Variants in TJP2 observed in about 807,000 individuals in gnomAD.
TJP2 encodes the protein tight junction protein 2.
In TJP2, 91 loss-of-function variants were observed where a neutral mutation model predicts 133.1. The ratio of observed to expected loss-of-function variants is 0.68; its 90% CI spans 0.58 to 0.81. The LOEUF (loss-of-function observed/expected upper bound fraction) is 0.81, where lower values mean the gene tolerates loss of function less well. Ranked by LOEUF, TJP2 falls within the 40% of genes least tolerant of loss-of-function variation. The pLI, the probability that TJP2 is intolerant of heterozygous loss-of-function variation, is 0.00. For synonymous variants in TJP2, 592 were observed against 583.4 expected (o/e 1.01, Z -0.21); for missense variants, 1,541 against 1,565.6 (o/e 0.98, Z 0.26).
rs1210707963 is a variant in TJP2, at chr9:69,231,317, C to T, written c.1671+1085C>T. Among the ~76,000 whole-genome samples, 8 of 152,234 alleles carry T rather than the reference C, an allele frequency of 5.3e-5. No individual in the cohort carries two copies. In the South Asian group the frequency reaches 6.2e-4, roughly 12 times the overall value. On this transcript the variant is annotated intron_variant, in intron 11 of 22. Coordinates refer to ENST00000377245, the MANE Select transcript of TJP2 (RefSeq NM_004817.4). ...TTCATCATGTTGCCCAGGCTGGTCTCGAGCTCCTGAGCTCAAGCAGTCCAC... is the reference window on the plus strand; with the variant it reads ...TTCATCATGTTGCCCAGGCTGGTCTTGAGCTCCTGAGCTCAAGCAGTCCAC...
At chr9:69,236,566 C>G (rs1480362329) in intron 13 of TJP2, among the ~76,000 whole-genome samples, 1 of 152,126 alleles carries the variant, frequency 6.6e-6, no homozygotes, top group Non-Finnish European at 1.5e-5. Context: ...GTACCCTTGT[C>G]CGGTGCCCAG....
At chr9:69,207,195 G>A (rs918832898) in intron 1 of TJP2, among the ~76,000 whole-genome samples, 15 of 152,084 alleles carry the variant, frequency 9.9e-5, no homozygotes, top group East Asian at 5.8e-4. Flanking sequence ...AGTGAAAAAC[G>A]CATACCAAAA....
intron 1 of TJP2, among the ~76,000 whole-genome samples, chr9:69,176,968 G>A (rs1410438450): frequency 6.6e-6 from 1 of 152,196 alleles, no homozygotes; most frequent in Admixed American, 6.5e-5. Context: ...GTTTGGGTGT[G>A]GTGGGGGCGG....
At chr9:69,137,812 C>G (rs911633972) in intron 1 of TJP2, among the ~76,000 whole-genome samples, 1 of 152,136 alleles carries the variant, frequency 6.6e-6, no homozygotes, top group Non-Finnish European at 1.5e-5. Context: ...TCCTCCTCTT[C>G]CTCTACTTTG....
rs564944234 is a variant in TJP2, at chr9:69,223,665, T to C, written c.953-1639T>C. On this transcript the variant is annotated intron_variant, in intron 5 of 22. Coordinates refer to ENST00000377245, the MANE Select transcript of TJP2 (RefSeq NM_004817.4). ...GTTGAAAAATGCCAGAGAGATGTTA[T>C]CACTCAAGCTTGTCTCACTCAGCCT... Among the ~76,000 whole-genome samples the C allele has an allele frequency of 4.6e-5, 7 of 152,284 alleles. No individual in the cohort carries two copies. The East Asian group carries it at 9.7e-4, about 21-fold the overall frequency.
rs570758213 is a variant in TJP2 at position 69,213,756 on chromosome 9, A to G, written c.114+1155A>G. On this transcript the variant is annotated intron_variant, in intron 2 of 22. Coordinates refer to ENST00000377245, the MANE Select transcript of TJP2 (RefSeq NM_004817.4). ...CCTCTGCCCTTTCCCTGAGCATTTC[A>G]TGCATTCCTTGAGTTGTGGACCCAA... Among the ~76,000 whole-genome samples, 155 of 152,184 alleles carry G rather than the reference A, an allele frequency of 1.0e-3. 1 individual carries two copies. Among genetic ancestry groups the G allele is most frequent in the African/African-American group, 3.6e-3 (151 of 41,536 alleles).
intron 1 of TJP2, among the ~76,000 whole-genome samples, chr9:69,150,274 A>G (rs1823406452): frequency 6.6e-6 from 1 of 151,830 alleles, no homozygotes; most frequent in Non-Finnish European, 1.5e-5. Context: ...GTATTTTACT[A>G]TAATAAAAAA....
rs149445624 is a variant in TJP2 at position 69,251,049 on chromosome 9, C to A, written c.3006C>A (p.Asn1002Lys). The change falls in exon 21 of 23, where the codon AAC (asparagine) becomes AAA (lysine). Residue 1002 changes from asparagine to lysine, a missense_variant. Asn to Lys is a moderately conservative substitution (Grantham distance 94). Transcript: ENST00000377245. Reference protein sequence around the residue: ...KPEPPKAKTQNKEESYDFSKS... With the variant: ...KPEPPKAKTQKKEESYDFSKS... ...GCTCTCCGCAGGCCAAAACCCAGAA[C>A]AAAGAAGAATCCTATGACTTCTCCA... The A allele has an allele frequency of 6.2e-7, 1 of 1,614,048 alleles. No homozygotes were observed. Among genetic ancestry groups the A allele is most frequent in the Non-Finnish European group, 8.5e-7 (1 of 1,180,032 alleles).
At chr9:69,137,283 C>CCT (rs1228607545) in intron 1 of TJP2, among the ~76,000 whole-genome samples, 21 of 107,212 alleles carry the variant, frequency 2.0e-4, no homozygotes, top group Admixed American at 3.0e-4. Context: ...TTCTTTCTTT[C>CCT]TTTCTTTCTT....
intron 12 of TJP2, among the ~76,000 whole-genome samples, chr9:69,234,842 T>G (rs1830065172): frequency 6.6e-6 from 1 of 152,124 alleles, no homozygotes; most frequent in Non-Finnish European, 1.5e-5. Flanking sequence ...TATTAGTGAG[T>G]TTACATACGA....
chr9:69,201,901 T>C (rs1031327533), intron 1 of TJP2, among the ~76,000 whole-genome samples: 2 of 152,196 alleles, frequency 1.3e-5, no homozygotes, highest in African/African-American at 4.8e-5. Flanking sequence ...ATGATGTGTC[T>C]AATGTAGTCA....
intron 22 of TJP2, 91 bp downstream of exon 22, chr9:69,252,991 G>T (rs1831452569): frequency 5.0e-6 from 6 of 1,201,870 alleles, no homozygotes; most frequent in Middle Eastern, 2.1e-4. Context: ...AAATTTCAGA[G>T]TAACAGGAGG....
intron 1 of TJP2, among the ~76,000 whole-genome samples, chr9:69,132,853 A>G (rs1313296921): frequency 6.6e-6 from 1 of 152,188 alleles, no homozygotes; most frequent in Non-Finnish European, 1.5e-5. Context: ...AATCAGACCA[A>G]CCTGGGTAGG....
intron 3 of TJP2, among the ~76,000 whole-genome samples, chr9:69,217,916 C>T (rs1828514335): frequency 6.6e-6 from 1 of 152,154 alleles, no homozygotes; most frequent in Admixed American, 6.5e-5. Context: ...CTGAAGCCCA[C>T]CGTGCACCTC....
intron 1 of TJP2, among the ~76,000 whole-genome samples, chr9:69,127,109 G>A (rs1211086494): frequency 3.0e-5 from 2 of 66,696 alleles, no homozygotes; most frequent in Non-Finnish European, 6.6e-5. Context: ...TCACTCTATC[G>A]CCCAGGCTGG....
At chr9:69,150,210 G>T (rs1451115001) in intron 1 of TJP2, among the ~76,000 whole-genome samples, 1 of 151,698 alleles carries the variant, frequency 6.6e-6, no homozygotes, top group Non-Finnish European at 1.5e-5. Flanking sequence ...TTCCCTTTTG[G>T]TTTAAAATGT....
intron 1 of TJP2, among the ~76,000 whole-genome samples, chr9:69,135,197 T>C (rs1295117381): frequency 6.6e-6 from 1 of 152,090 alleles, no homozygotes; most frequent in African/African-American, 2.4e-5. Flanking sequence ...AATAACGATT[T>C]GCTGAGTAAA....
chr9:69,201,823 C>T (rs1335404113), intron 1 of TJP2, among the ~76,000 whole-genome samples: 4 of 152,124 alleles, frequency 2.6e-5, no homozygotes, highest in African/African-American at 9.7e-5. Context: ...GTAGACGAAC[C>T]TTGAGGACAT....
chr9:69,249,673 G>A (rs1831190966), intron 20 of TJP2, 188 bp downstream of exon 20: 1 of 985,440 alleles, frequency 1.0e-6, no homozygotes, highest in Non-Finnish European at 1.2e-6. Flanking sequence ...GGGCAAAAAG[G>A]AAGGAAAGGC....
Sources: allele counts gnomAD v4.1 joint callset (sites outside exome capture counted in the v4.1 genomes callset), GRCh38; gene constraint gnomAD v4.1.1; transcripts MANE v1.5; gene names NCBI Gene and HGNC (gene_info 2026-07-23, HGNC 2026-07-21).